The following PTPRD variants were observed in gnomAD, a reference collection of about 807,000 sequenced individuals.
PTPRD encodes the protein receptor-type tyrosine-protein phosphatase delta.
Under a neutral mutation model 214.5 loss-of-function variants are expected in PTPRD, and 34 were observed. That is an observed-to-expected ratio of 0.16 (90% CI 0.12 to 0.21). The LOEUF is 0.21. Ranked by LOEUF, PTPRD falls within the 10% of genes least tolerant of loss-of-function variation. PTPRD has a pLI of 1.00. For missense variants in PTPRD, 2,545 were observed against 2,398.7 expected, an observed-to-expected ratio of 1.06 and a Z score of -1.27; for synonymous variants, 1,128 against 845.7, an observed-to-expected ratio of 1.33 and a Z score of -5.79.
intron 2 of PTPRD, among the ~76,000 whole-genome samples, chr9:10,406,778 G>C (rs572799889): frequency 6.7e-6 from 1 of 150,216 alleles, no homozygotes; most frequent in Non-Finnish European, 1.5e-5. Flanking sequence ...GCATGGGTGA[G>C]CAAGAAAAAT....
intron 9 of PTPRD, among the ~76,000 whole-genome samples, chr9:9,328,721 G>C (rs145985065): frequency 0.018 from 2,399 of 131,440 alleles, 68 homozygotes; most frequent in African/African-American, 0.065. Context: ...ACTGCAACCT[G>C]TGCCTCCTGG....
intron 7 of PTPRD, among the ~76,000 whole-genome samples, chr9:9,695,563 C>T (rs948577000): frequency 2.0e-5 from 3 of 152,056 alleles, no homozygotes; most frequent in East Asian, 1.9e-4. Context: ...TTTATTATTT[C>T]GAGGTATGTT....
At chr9:9,080,603 C>G (rs544933448) in intron 10 of PTPRD, among the ~76,000 whole-genome samples, 2 of 152,182 alleles carry the variant, frequency 1.3e-5, no homozygotes, top group African/African-American at 4.8e-5. Flanking sequence ...CTCCTGCAGT[C>G]TGACTCCAGA....
chr9:8,687,408 T>C (rs1163199355), intron 12 of PTPRD, among the ~76,000 whole-genome samples: 2 of 152,214 alleles, frequency 1.3e-5, no homozygotes, highest in Non-Finnish European at 2.9e-5. Context: ...CCAATATGAA[T>C]GCCTTTTAAA....
intron 10 of PTPRD, among the ~76,000 whole-genome samples, chr9:9,065,538 T>C (rs2099726977): frequency 6.6e-6 from 1 of 152,152 alleles, no homozygotes; most frequent in African/African-American, 2.4e-5. Flanking sequence ...GGCATTCAAG[T>C]GCAATGTGAA....
In PTPRD at chr9:8,949,788, G is replaced by A. The variant is rs542220087; in HGVS notation, c.-104+68909C>T. ...ACATTGTGGGATTGTTGTCTTCTAC[G>A]TGTTGCTTTTTAAAATTATAGCATA... On this transcript the variant is annotated intron_variant, in intron 11 of 45. Transcript: ENST00000381196. Among the ~76,000 whole-genome samples the A allele has an allele frequency of 2.6e-4, 39 of 152,150 alleles. No homozygotes were observed. In the South Asian group the frequency reaches 7.5e-3, roughly 29 times the overall value.
chr9:9,178,946 C>A (rs1181787614), intron 10 of PTPRD, among the ~76,000 whole-genome samples: 1 of 152,030 alleles, frequency 6.6e-6, no homozygotes, highest in African/African-American at 2.4e-5. Flanking sequence ...AATCAAAGAT[C>A]TCTTTTAGAG....
At chr9:9,133,667 A>G (rs2154476092) in intron 10 of PTPRD, among the ~76,000 whole-genome samples, 1 of 152,310 alleles carries the variant, frequency 6.6e-6, no homozygotes, top group South Asian at 2.1e-4. Context: ...GGAATATGAA[A>G]GAAGCATTGT....
chr9:8,928,824 G>A (rs202122620), intron 11 of PTPRD, among the ~76,000 whole-genome samples: 1 of 152,018 alleles, frequency 6.6e-6, no homozygotes, highest in African/African-American at 2.4e-5. Context: ...TATCCATGAG[G>A]ATGGAATGTT....
At chr9:10,205,880 A>G (rs1185535660) in intron 3 of PTPRD, among the ~76,000 whole-genome samples, 2 of 152,146 alleles carry the variant, frequency 1.3e-5, no homozygotes, top group Non-Finnish European at 2.9e-5. Flanking sequence ...TTTTTCATTT[A>G]TTGCAAAGAT....
At chr9:9,372,550 G>C (rs945183867) in intron 9 of PTPRD, among the ~76,000 whole-genome samples, 1 of 152,018 alleles carries the variant, frequency 6.6e-6, no homozygotes, top group African/African-American at 2.4e-5. Context: ...ACACTGATGG[G>C]TCTTGACTCT....
intron 9 of PTPRD, among the ~76,000 whole-genome samples, chr9:9,193,061 A>G (rs1333438363): frequency 2.0e-5 from 3 of 152,150 alleles, no homozygotes; most frequent in African/African-American, 4.8e-5. Flanking sequence ...TTGCTTGTCT[A>G]TTTAAAGGCA....
chr9:9,203,404 G>A (rs2099943033), intron 9 of PTPRD, among the ~76,000 whole-genome samples: 1 of 152,040 alleles, frequency 6.6e-6, no homozygotes, highest in Non-Finnish European at 1.5e-5. Flanking sequence ...TTTTTGTTAT[G>A]CTTTACCACA....
intron 2 of PTPRD, among the ~76,000 whole-genome samples, chr9:10,608,917 C>G (rs895873086): frequency 1.3e-5 from 2 of 151,788 alleles, no homozygotes; most frequent in Admixed American, 1.3e-4. Context: ...TTTGACAATC[C>G]TAAAAAAATA....
intron 35 of PTPRD, among the ~76,000 whole-genome samples, chr9:8,409,724 G>A (rs1192830836): frequency 6.6e-6 from 1 of 151,876 alleles, no homozygotes; most frequent in Non-Finnish European, 1.5e-5. Context: ...CCCTCATCCC[G>A]CCAAGAGAAA....
chr9:10,454,755 G>C (rs1372673016), intron 2 of PTPRD, among the ~76,000 whole-genome samples: 1 of 151,320 alleles, frequency 6.6e-6, no homozygotes, highest in Non-Finnish European at 1.5e-5. Flanking sequence ...CCATTTACTT[G>C]CTTCCCTGTA....
chr9:10,240,562 T>C (rs552200057), intron 3 of PTPRD, among the ~76,000 whole-genome samples: 1 of 152,078 alleles, frequency 6.6e-6, no homozygotes, highest in Admixed American at 6.6e-5. Context: ...CACAGACCTA[T>C]ATCACTCATG....
intron 11 of PTPRD, among the ~76,000 whole-genome samples, chr9:8,906,972 G>C (rs1185558637): frequency 6.6e-6 from 1 of 151,990 alleles, no homozygotes. Context: ...AGGGGAACCT[G>C]GAAGGGCCCA....
At chr9:8,372,413 T>G (rs992827176) in intron 39 of PTPRD, among the ~76,000 whole-genome samples, 6 of 152,056 alleles carry the variant, frequency 3.9e-5, no homozygotes, top group African/African-American at 1.4e-4. Context: ...CTATTTTATG[T>G]CATCTTACTT....
Sources: allele counts gnomAD v4.1 joint callset (sites outside exome capture counted in the v4.1 genomes callset), GRCh38; gene constraint gnomAD v4.1.1; transcripts MANE v1.5; gene names NCBI Gene and HGNC (gene_info 2026-07-23, HGNC 2026-07-21).